Variants in MAF observed in about 807,000 individuals in gnomAD.
MAF encodes the protein MAF bZIP transcription factor.
MAF carries 10 observed loss-of-function variants against 22.0 expected under a neutral mutation model. The ratio of observed to expected loss-of-function variants is 0.45; its 90% CI spans 0.28 to 0.77. The LOEUF (loss-of-function observed/expected upper bound fraction) is 0.77. Ranked by LOEUF, MAF falls within the 30% of genes least tolerant of loss-of-function variation. The probability of loss-of-function intolerance (pLI) is 0.12; values close to 1 mark genes in which losing one functional copy is unlikely to be tolerated. For missense variants in MAF, 544 were observed against 548.4 expected (o/e 0.99, Z 0.08); for synonymous variants, 337 against 255.8 (o/e 1.32, Z -3.03).
the MAF span, among the ~76,000 whole-genome samples, chr16:79,468,665 G>T: frequency 6.6e-5 from 10 of 152,322 alleles, no homozygotes; most frequent in African/African-American, 2.2e-4. Context: ...GTCAGAGTCT[G>T]CCAGGATGGT....
chr16:79,363,358 C>T, the MAF span, among the ~76,000 whole-genome samples: 1 of 152,328 alleles, frequency 6.6e-6, no homozygotes, highest in Non-Finnish European at 1.5e-5. Context: ...ATACACCTAA[C>T]TTAGCAGACA....
chr16:79,484,491 G>T, the MAF span, among the ~76,000 whole-genome samples: 212 of 152,336 alleles, frequency 1.4e-3, no homozygotes, highest in Middle Eastern at 0.014. Flanking sequence ...GTCCTTACCA[G>T]GGGTCAGCCA....
the MAF span, chr16:79,212,373 G>A: frequency 0.013 from 6,786 of 527,244 alleles, 66 homozygotes; most frequent in Middle Eastern, 0.04. Context: ...AGTAGAATAC[G>A]CAGAACTACC....
At chr16:79,288,996 T>G in the MAF span, among the ~76,000 whole-genome samples, 1 of 152,202 alleles carries the variant, frequency 6.6e-6, no homozygotes, top group Non-Finnish European at 1.5e-5. Flanking sequence ...TCCCAAAGTG[T>G]TGGGATTACA....
chr16:79,552,397 T>A, the MAF span, among the ~76,000 whole-genome samples: 2 of 152,132 alleles, frequency 1.3e-5, no homozygotes, highest in Non-Finnish European at 2.9e-5. Context: ...TCTGTAGAGA[T>A]GAGATCTTGC....
At chr16:79,558,364 C>A in the MAF span, among the ~76,000 whole-genome samples, 102 of 152,318 alleles carry the variant, frequency 6.7e-4, no homozygotes, top group Non-Finnish European at 2.2e-4. Flanking sequence ...CATCAACCCA[C>A]TGTCAAAGAA....
the MAF span, among the ~76,000 whole-genome samples, chr16:79,235,931 A>T: frequency 6.6e-6 from 1 of 152,014 alleles, no homozygotes; most frequent in African/African-American, 2.4e-5. Context: ...CAAGCCGCCC[A>T]GAATCCAGGG....
chr16:79,504,077 C>G, the MAF span, among the ~76,000 whole-genome samples: 1 of 152,190 alleles, frequency 6.6e-6, no homozygotes, highest in Non-Finnish European at 1.5e-5. Context: ...CTTTTAAATA[C>G]TGCCTATCAG....
chr16:79,217,039 C>A, the MAF span, among the ~76,000 whole-genome samples: 1 of 152,098 alleles, frequency 6.6e-6, no homozygotes, highest in Non-Finnish European at 1.5e-5. Flanking sequence ...CGAACTCCTG[C>A]CCTAAAGTGA....
chr16:79,590,205 C>A, downstream of MAF, among the ~76,000 whole-genome samples: 1 of 148,306 alleles, frequency 6.7e-6, no homozygotes, highest in Non-Finnish European at 1.5e-5. Flanking sequence ...GCCAGGTTGG[C>A]GGAGGGGGGG....
the MAF span, among the ~76,000 whole-genome samples, chr16:79,498,643 G>C: frequency 2.0e-5 from 3 of 152,302 alleles, no homozygotes; most frequent in South Asian, 2.1e-4. Context: ...TATAGGAACA[G>C]AAACAGAGAG....
chr16:79,344,579 A>G, the MAF span, among the ~76,000 whole-genome samples: 13 of 152,298 alleles, frequency 8.5e-5, no homozygotes, highest in Admixed American at 2.0e-4. Context: ...GACACATTCA[A>G]TCAAGTCTCT....
At chr16:79,372,311 G>A in the MAF span, among the ~76,000 whole-genome samples, 4 of 152,064 alleles carry the variant, frequency 2.6e-5, no homozygotes, top group African/African-American at 9.7e-5. Flanking sequence ...ACATGTAACA[G>A]AGAAGAAAGA....
the MAF span, among the ~76,000 whole-genome samples, chr16:79,408,108 G>C: frequency 5.7e-5 from 7 of 122,072 alleles, no homozygotes; most frequent in Admixed American, 5.2e-4. Flanking sequence ...AAACCTAAAG[G>C]CGTGGTGGAG....
chr16:79,204,894 A>C, the MAF span: 1 of 152,240 alleles, frequency 6.6e-6, no homozygotes, highest in Admixed American at 6.5e-5. Context: ...TAAGAGCCAC[A>C]TTCTTGCTGG....
At chr16:79,307,653 A>G in the MAF span, among the ~76,000 whole-genome samples, 63 of 152,336 alleles carry the variant, frequency 4.1e-4, no homozygotes, top group Non-Finnish European at 6.9e-4. Context: ...AAAAAAATAT[A>G]TATAACCACA....
At chr16:79,219,358 TTCTG>T in the MAF span, among the ~76,000 whole-genome samples, 36 of 152,106 alleles carry the variant, frequency 2.4e-4, no homozygotes, top group African/African-American at 8.0e-4. Context: ...CTATCTGAAA[TTCTG>T]TCTTTGTTCA....
chr16:79,332,147 C>T, the MAF span, among the ~76,000 whole-genome samples: 3 of 152,130 alleles, frequency 2.0e-5, no homozygotes, highest in Non-Finnish European at 2.9e-5. Context: ...AAAAACTACT[C>T]TTGCTCCAAC....
chr16:79,300,606 G>C, the MAF span, among the ~76,000 whole-genome samples: 1 of 151,022 alleles, frequency 6.6e-6, no homozygotes, highest in Non-Finnish European at 1.5e-5. Flanking sequence ...CAAATCTCAA[G>C]ATTATACTAG....
Sources: gnomAD v4.1 joint callset for allele counts (sites outside exome capture counted in the v4.1 genomes callset) on GRCh38, gnomAD v4.1.1 for gene constraint, MANE v1.5 for transcripts, NCBI Gene and HGNC (gene_info 2026-07-23, HGNC 2026-07-21) for gene names.